CNDP1: variants seen among roughly 807,000 people sequenced by gnomAD.
CNDP1 encodes carnosine dipeptidase 1, also known as beta-Ala-His dipeptidase.
In CNDP1, 44 loss-of-function variants were observed where a neutral mutation model predicts 58.1. The ratio of observed to expected loss-of-function variants is 0.76; its 90% CI spans 0.60 to 0.97. The LOEUF is 0.97. Among genes scored for constraint, CNDP1 ranks in the 50% least tolerant of loss-of-function variants. CNDP1 has a pLI of 0.00. For missense variants in CNDP1, 616 were observed against 655.1 expected, an observed-to-expected ratio of 0.94 and a Z score of 0.65; for synonymous variants, 254 against 252.6, an observed-to-expected ratio of 1.01 and a Z score of -0.05.
At chr18:74,535,256 T>C (rs1195458545) in intron 1 of CNDP1, among the ~76,000 whole-genome samples, 4 of 152,080 alleles carry the variant, frequency 2.6e-5, no homozygotes, top group African/African-American at 7.2e-5. Flanking sequence ...TTTTGTGGGG[T>C]TGTGTTCCAG....
chr18:74,582,751 G>A (rs1981819080), intron 10 of CNDP1, among the ~76,000 whole-genome samples: 1 of 152,222 alleles, frequency 6.6e-6, no homozygotes, highest in South Asian at 2.1e-4. Flanking sequence ...TAAAAATGCA[G>A]TGTGGATTCT....
At chr18:74,567,078 G>T (rs959655139) in intron 5 of CNDP1, 155 bp from the exon 6 acceptor site, 9 of 639,310 alleles carry the variant, frequency 1.4e-5, no homozygotes, top group Non-Finnish European at 2.5e-5. Flanking sequence ...GAATAGCACA[G>T]GAAAGACTGG....
intron 10 of CNDP1, among the ~76,000 whole-genome samples, chr18:74,582,018 T>G (rs1047856903): frequency 7.2e-5 from 11 of 152,192 alleles, no homozygotes; most frequent in Non-Finnish European, 1.2e-4. Context: ...ACAGATCAAG[T>G]CCAAGACAGG....
chr18:74,551,024 G>A (rs1980892151), intron 1 of CNDP1, among the ~76,000 whole-genome samples: 1 of 152,114 alleles, frequency 6.6e-6, no homozygotes. Context: ...TGTTGGAGGT[G>A]GAGTCTGGCG....
At chr18:74,575,452 T>A (rs1981606764) in intron 7 of CNDP1, among the ~76,000 whole-genome samples, 1 of 152,206 alleles carries the variant, frequency 6.6e-6, no homozygotes, top group Non-Finnish European at 1.5e-5. Flanking sequence ...CTGGAGACAT[T>A]TTTGTGTCAT....
intron 9 of CNDP1, 71 bp from the exon 10 acceptor site, chr18:74,580,059 G>A: frequency 1.1e-5 from 15 of 1,378,290 alleles, no homozygotes; most frequent in Non-Finnish European, 1.4e-5. Context: ...GTTTCTTGAT[G>A]GAAGACTATA....
chr18:74,544,714 T>C (rs1980712795), intron 1 of CNDP1, among the ~76,000 whole-genome samples: 1 of 91,360 alleles, frequency 1.1e-5, no homozygotes, highest in Non-Finnish European at 2.1e-5. Flanking sequence ...CGAGGTTCTG[T>C]CTCAAAAAAA....
At chr18:74,557,606 C>G (rs1429630187) in intron 2 of CNDP1, among the ~76,000 whole-genome samples, 1 of 152,052 alleles carries the variant, frequency 6.6e-6, no homozygotes, top group Non-Finnish European at 1.5e-5. Flanking sequence ...TACACACCCC[C>G]ATATATGTAT....
At position 74,584,601 on chromosome 18, in the gene CNDP1, A is replaced by G; in HGVS notation, c.*39A>G. ...CTAGTCTGATCTGATCCACTGACAG[A>G]TTCACCTCCCCCACATCCCTAGACA... On this transcript the variant is annotated 3_prime_UTR_variant, in exon 12 of 12. Coordinates refer to ENST00000358821, the MANE Select transcript of CNDP1 (RefSeq NM_032649.6). The G allele has an allele frequency of 6.8e-7, 1 of 1,473,602 alleles. No individual in the cohort carries two copies. Among genetic ancestry groups the G allele is most frequent in the Non-Finnish European group, 9.5e-7 (1 of 1,052,036 alleles). 91.3% of individuals were successfully genotyped at this position (1,473,602 alleles called of 1,614,324 possible). A position where few individuals can be genotyped will look rare whatever the true frequency, so the allele number is the denominator to read the frequency against.
intron 4 of CNDP1, 116 bp from the exon 5 acceptor site, chr18:74,561,931 G>A: frequency 1.3e-6 from 1 of 791,400 alleles, no homozygotes; most frequent in Non-Finnish European, 2.1e-6. Context: ...ATTTGAGCCT[G>A]CAATATTATT....
chr18:74,576,623 A>G, intron 7 of CNDP1: 2 of 394,034 alleles, frequency 5.1e-6, no homozygotes, highest in East Asian at 7.8e-5. Flanking sequence ...AGGTGTTTTC[A>G]GCCACACCTT....
At chr18:74,581,865 T>G (rs987971390) in intron 10 of CNDP1, among the ~76,000 whole-genome samples, 2 of 152,224 alleles carry the variant, frequency 1.3e-5, no homozygotes, top group Non-Finnish European at 2.9e-5. Flanking sequence ...TGCATTTAGG[T>G]AGACCTATGG....
chr18:74,569,301 A>G (rs1270854774), intron 6 of CNDP1, among the ~76,000 whole-genome samples: 1 of 152,248 alleles, frequency 6.6e-6, no homozygotes, highest in Non-Finnish European at 1.5e-5. Context: ...CCAGCTGGGC[A>G]GGAAGGATGG....
chr18:74,582,652 G>A (rs540603068), intron 10 of CNDP1, among the ~76,000 whole-genome samples: 3 of 152,112 alleles, frequency 2.0e-5, no homozygotes, highest in Admixed American at 6.5e-5. Context: ...CAAAACTACC[G>A]ACTGATAAGC....
intron 5 of CNDP1, among the ~76,000 whole-genome samples, chr18:74,564,630 G>C (rs1430530640): frequency 2.6e-5 from 4 of 152,150 alleles, no homozygotes; most frequent in African/African-American, 9.7e-5. Flanking sequence ...TCCTTTTGGG[G>C]AGAAGGAGAA....
chr18:74,574,919 T>G (rs1325414766), intron 7 of CNDP1: 1 of 150,256 alleles, frequency 6.7e-6, no homozygotes, highest in Non-Finnish European at 1.5e-5. Flanking sequence ...GCCACAATTG[T>G]GCCACTGCAC....
At chr18:74,583,097 C>A (rs1239033998) in intron 10 of CNDP1, among the ~76,000 whole-genome samples, 1 of 152,198 alleles carries the variant, frequency 6.6e-6, no homozygotes, top group Non-Finnish European at 1.5e-5. Flanking sequence ...ACCTCCATCA[C>A]CCACGTTCAA....
intron 1 of CNDP1, among the ~76,000 whole-genome samples, chr18:74,553,066 G>T (rs1389227644): frequency 6.6e-6 from 1 of 152,090 alleles, no homozygotes; most frequent in Admixed American, 6.5e-5. Context: ...GTGTTTATTG[G>T]CCATTTGCAT....
At position 74,545,222 on chromosome 18, in the gene CNDP1, G is replaced by T. The variant is rs950804676; in HGVS notation, c.24+10531G>T. Among the ~76,000 whole-genome samples, 11 of 152,174 alleles carry T rather than the reference G, an allele frequency of 7.2e-5. No individual in the cohort carries two copies. Among genetic ancestry groups the T allele is most frequent in the Admixed American group, 1.3e-4 (2 of 15,284 alleles). On this transcript the variant is annotated intron_variant, in intron 1 of 11. Coordinates refer to ENST00000358821, the MANE Select transcript of CNDP1 (RefSeq NM_032649.6). The surrounding 1 kb of genome is among the most constrained non-coding windows in gnomAD (Gnocchi z 4.1). ...TAGTGGAGACCGATGGGAAAGCCCC[G>T]CCCTCTCCTCGAATCTGCCTTGTTC...
Sources: gnomAD v4.1 joint callset for allele counts (sites outside exome capture counted in the v4.1 genomes callset) on GRCh38, gnomAD v4.1.1 for gene constraint, Gnocchi (gnomAD v3.1) non-coding constraint, MANE v1.5 for transcripts, NCBI Gene and HGNC (gene_info 2026-07-23, HGNC 2026-07-21) for gene names.